The following PAK6 variants were observed in gnomAD, a reference collection of about 807,000 sequenced individuals.
The protein encoded by PAK6 is serine/threonine-protein kinase PAK 6.
Under a neutral mutation model 60.8 loss-of-function variants are expected in PAK6, and 33 were observed. The observed-to-expected ratio is 0.54, with a 90% confidence interval of 0.41 to 0.73. PAK6 has a LOEUF of 0.73. Ranked by LOEUF, PAK6 falls within the 30% of genes least tolerant of loss-of-function variation. The pLI is 0.00. For synonymous variants in PAK6, 404 were observed against 378.5 expected (o/e 1.07, Z -0.78); for missense variants, 845 against 904.1 (o/e 0.93, Z 0.84).
At chr15:40,252,809 G>T in intron 2 of PAK6, 2 of 1,296,026 alleles carry the variant, frequency 1.5e-6, no homozygotes, top group Non-Finnish European at 2.0e-6. Flanking sequence ...CCAGGCGAGG[G>T]GCCTTGGGCG....
In PAK6 at chr15:40,271,787, G is replaced by C. The variant is rs115304647; in HGVS notation, c.859-437G>C. ...TGCCAGGCCTCTTCTGCCCCCATGGGTCCTGGGGTGGGGGAGCCTTGGGAG... is the reference window on the plus strand; with the variant it reads ...TGCCAGGCCTCTTCTGCCCCCATGGCTCCTGGGGTGGGGGAGCCTTGGGAG... On this transcript the variant is annotated intron_variant, in intron 5 of 10. Transcript: ENST00000560346. Among the ~76,000 whole-genome samples the C allele has an allele frequency of 3.5e-3, 526 of 152,316 alleles. 3 individuals carry two copies. Among genetic ancestry groups the C allele is most frequent in the African/African-American group, 0.012 (490 of 41,562 alleles).
At chr15:40,255,573 G>A (rs2038812071) in intron 3 of PAK6, among the ~76,000 whole-genome samples, 1 of 152,208 alleles carries the variant, frequency 6.6e-6, no homozygotes, top group East Asian at 1.9e-4. Context: ...GGTGACAGCT[G>A]AGCAGAAAAG....
chr15:40,240,562 C>CTTTTTTTTTTTTTCT, intron 1 of PAK6, 37 bp from the exon 2 acceptor site: 1 of 320,512 alleles, frequency 3.1e-6, no homozygotes, highest in South Asian at 2.1e-5. Context: ...TTTTCTTTTC[C>CTTTTTTTTTTTTTCT]TTTTTTTTTT....
At chr15:40,259,626 A>C (rs1293198436) in intron 3 of PAK6, 1 of 151,934 alleles carries the variant, frequency 6.6e-6, no homozygotes, top group African/African-American at 2.4e-5. Context: ...ATCTCTACTA[A>C]AAATACAAAA....
chr15:40,240,561 CCTT>C, intron 1 of PAK6, 35 bp from the exon 2 acceptor site: 20 of 291,750 alleles, frequency 6.9e-5, no homozygotes, highest in South Asian at 4.2e-4. Context: ...GTTTTCTTTT[CCTT>C]TTTTTTTTTT....
chr15:40,268,011 C>T (rs1232927973), intron 5 of PAK6, among the ~76,000 whole-genome samples: 1 of 152,176 alleles, frequency 6.6e-6, no homozygotes, highest in Non-Finnish European at 1.5e-5. Context: ...CACCCCACAG[C>T]AGGGGGAGAG....
intron 5 of PAK6, among the ~76,000 whole-genome samples, chr15:40,267,521 C>T (rs545610126): frequency 1.1e-4 from 16 of 152,222 alleles, no homozygotes; most frequent in South Asian, 8.3e-4. Flanking sequence ...TAGCCGGGCG[C>T]GGTGGCGGGC....
intron 2 of PAK6, chr15:40,250,937 C>T (rs1278236888): frequency 6.6e-6 from 1 of 152,570 alleles, no homozygotes; most frequent in East Asian, 1.9e-4. Context: ...AGCATTCGAC[C>T]AGTGTACCCA....
exon 10 of PAK6, chr15:40,274,189 G>T: frequency 6.2e-7 from 1 of 1,613,970 alleles, no homozygotes. Flanking sequence ...TGGTAGATGG[G>T]GAGCCACCGT....
At chr15:40,253,788 C>T (rs1451000166) in intron 3 of PAK6, among the ~76,000 whole-genome samples, 1 of 152,182 alleles carries the variant, frequency 6.6e-6, no homozygotes, top group Non-Finnish European at 1.5e-5. Flanking sequence ...AGGTGGCATC[C>T]GATCTGGAGT....
intron 2 of PAK6, among the ~76,000 whole-genome samples, chr15:40,241,321 A>G (rs548860413): frequency 2.0e-5 from 3 of 152,114 alleles, no homozygotes; most frequent in East Asian, 3.9e-4. Context: ...GGCATTGTAC[A>G]CCAAGAGGTT....
chr15:40,252,850 G>T, intron 2 of PAK6: 2 of 1,268,734 alleles, frequency 1.6e-6, no homozygotes. Flanking sequence ...TCCCTGGAGC[G>T]GGACCTCCCT....
chr15:40,258,057 A>G (rs893224358), intron 3 of PAK6, among the ~76,000 whole-genome samples: 7 of 152,184 alleles, frequency 4.6e-5, no homozygotes, highest in Non-Finnish European at 8.8e-5. Context: ...GGCCCTGACC[A>G]TCACAGCCCC....
intron 2 of PAK6, among the ~76,000 whole-genome samples, chr15:40,250,409 T>G (rs899654339): frequency 6.6e-6 from 1 of 152,190 alleles, no homozygotes; most frequent in Non-Finnish European, 1.5e-5. Flanking sequence ...AGTCTAGTCT[T>G]GTATCCAGTT....
At chr15:40,273,649 G>A (rs1171967217) in exon 9 of PAK6, 1 of 1,613,924 alleles carries the variant, frequency 6.2e-7, no homozygotes, top group East Asian at 2.2e-5. Context: ...CTCCTGAAGT[G>A]ATCTCCAGGT....
At chr15:40,253,231 TAAGA>T (rs1189881376) in exon 3 of PAK6, 3 of 456,026 alleles carry the variant, frequency 6.6e-6, no homozygotes, top group South Asian at 3.1e-5. Flanking sequence ...CCTCAGCGCC[TAAGA>T]GAGAGGCCCA....
exon 4 of PAK6, chr15:40,264,890 C>T: frequency 1.9e-6 from 3 of 1,613,952 alleles, no homozygotes; most frequent in Non-Finnish European, 2.5e-6. Context: ...AGTTTGTGGG[C>T]CTCCCCCCAC....
At chr15:40,253,419 G>A (rs1372786508) in intron 3 of PAK6, 130 bp downstream of exon 3, 4 of 369,890 alleles carry the variant, frequency 1.1e-5, no homozygotes, top group East Asian at 7.5e-5. Context: ...GGCAGCGGAG[G>A]TGGTCCCTTC....
In PAK6 at chr15:40,258,028, T is replaced by C. The variant is rs143945147; in HGVS notation, c.-6+4739T>C. Among the ~76,000 whole-genome samples the C allele has an allele frequency of 4.2e-3, 634 of 152,302 alleles. 6 individuals are homozygous for C. Among genetic ancestry groups the C allele is most frequent in the African/African-American group, 0.015 (615 of 41,564 alleles). On this transcript the variant is annotated intron_variant, in intron 3 of 10. Coordinates refer to ENST00000560346, the Ensembl canonical transcript of PAK6. The stretch of plus-strand genomic sequence containing the variant: ...ACAGAACACACGCCTGCTGTTTCTG[T>C]AGCTTTTCCTAGATGCCAGGCCCTG...
Sources: allele counts gnomAD v4.1 joint callset (sites outside exome capture counted in the v4.1 genomes callset), GRCh38; gene constraint gnomAD v4.1.1; transcripts MANE v1.5; gene names NCBI Gene and HGNC (gene_info 2026-07-23, HGNC 2026-07-21).